Variants in EBF1 observed in about 807,000 individuals in gnomAD.
EBF1 encodes transcription factor COE1.
EBF1 carries 10 observed loss-of-function variants against 68.4 expected under a neutral mutation model. The observed-to-expected ratio is 0.15, with a 90% CI of 0.09 to 0.25. The LOEUF (loss-of-function observed/expected upper bound fraction) is 0.25, where lower values mean the gene tolerates loss of function less well. Among genes scored for constraint, EBF1 ranks in the 10% least tolerant of loss-of-function variants. The pLI is 1.00. For missense variants in EBF1, 509 were observed against 794.4 expected, an observed-to-expected ratio of 0.64 and a Z score of 4.32; for synonymous variants, 298 against 299.8, an observed-to-expected ratio of 0.99 and a Z score of 0.06.
chr5:158,816,834 TC>T (rs1783856119), intron 8 of EBF1, among the ~76,000 whole-genome samples: 1 of 152,168 alleles, frequency 6.6e-6, no homozygotes, highest in South Asian at 2.1e-4. Flanking sequence ...TGTTTGACTT[TC>T]TATGAAGAAC....
chr5:159,067,290 C>T (rs1328274484), intron 6 of EBF1, among the ~76,000 whole-genome samples: 1 of 152,136 alleles, frequency 6.6e-6, no homozygotes, highest in South Asian at 2.1e-4. Flanking sequence ...CTGTATTTTT[C>T]CAGAACTGTT....
chr5:158,810,246 C>A (rs1298433836), intron 8 of EBF1, among the ~76,000 whole-genome samples: 3 of 152,096 alleles, frequency 2.0e-5, no homozygotes, highest in African/African-American at 7.2e-5. Flanking sequence ...CCCACCAGCC[C>A]ACGGATAATA....
intron 11 of EBF1, among the ~76,000 whole-genome samples, chr5:158,724,487 C>T (rs561303513): frequency 1.2e-4 from 19 of 152,270 alleles, no homozygotes; most frequent in African/African-American, 4.6e-4. Context: ...TTCACTGATG[C>T]AACTGCAGGT....
At chr5:158,912,838 G>A (rs1806305534) in intron 6 of EBF1, among the ~76,000 whole-genome samples, 1 of 152,084 alleles carries the variant, frequency 6.6e-6, no homozygotes, top group Non-Finnish European at 1.5e-5. Flanking sequence ...GAAAAAAAAA[G>A]ATGTAGCACA....
chr5:159,034,957 T>A (rs1769730024), intron 6 of EBF1, among the ~76,000 whole-genome samples: 1 of 152,198 alleles, frequency 6.6e-6, no homozygotes, highest in Non-Finnish European at 1.5e-5. Context: ...AAATCTGGCT[T>A]CACATGGTGC....
At chr5:158,928,500 A>C (rs1810164297) in intron 6 of EBF1, among the ~76,000 whole-genome samples, 1 of 152,192 alleles carries the variant, frequency 6.6e-6, no homozygotes, top group Non-Finnish European at 1.5e-5. Flanking sequence ...AATTACATCA[A>C]AATCACATTA....
At chr5:159,038,711 C>T (rs1268872077) in intron 6 of EBF1, among the ~76,000 whole-genome samples, 1 of 152,140 alleles carries the variant, frequency 6.6e-6, no homozygotes, top group African/African-American at 2.4e-5. Context: ...GCTGCCTGAC[C>T]TATTAGCAAG....
At chr5:158,986,948 A>AACT (rs1759212829) in intron 6 of EBF1, 1 of 152,230 alleles carries the variant, frequency 6.6e-6, no homozygotes, top group Non-Finnish European at 1.5e-5. Context: ...GAGACTGAAT[A>AACT]ACTCAACTTC....
chr5:158,805,998 GA>G (rs1450499507), intron 8 of EBF1, among the ~76,000 whole-genome samples: 1 of 152,092 alleles, frequency 6.6e-6, no homozygotes, highest in Non-Finnish European at 1.5e-5. Flanking sequence ...TGTGGGAGCA[GA>G]AGCTATAATT....
At chr5:159,005,425 T>A (rs1259861297) in intron 6 of EBF1, among the ~76,000 whole-genome samples, 1 of 152,214 alleles carries the variant, frequency 6.6e-6, no homozygotes, top group Non-Finnish European at 1.5e-5. Flanking sequence ...GTACATAGAA[T>A]GAATTTATTC....
rs76647464 is a variant in EBF1, at chr5:158,903,048, C to T, written c.555-62938G>A. On this transcript the variant is annotated intron_variant, in intron 6 of 15. Transcript: ENST00000313708. The stretch of plus-strand genomic sequence containing the variant: ...TAAAATAACTAAGACCTTCAGTTCA[C>T]GAAACTTTGGAGGACAAATTAGCAC... Among the ~76,000 whole-genome samples, 682 of 152,246 alleles carry T rather than the reference C, an allele frequency of 4.5e-3. 4 individuals are homozygous for T. The highest frequency in any genetic ancestry group is 0.016 in the African/African-American group (655 of 41,542).
At chr5:159,083,817 G>A (rs1487448149) in intron 5 of EBF1, among the ~76,000 whole-genome samples, 1 of 152,190 alleles carries the variant, frequency 6.6e-6, no homozygotes, top group Non-Finnish European at 1.5e-5. Context: ...GATGCACAGT[G>A]GCATCTTCAT....
intron 7 of EBF1, among the ~76,000 whole-genome samples, chr5:158,825,642 T>C (rs968252605): frequency 2.0e-5 from 3 of 152,004 alleles, no homozygotes; most frequent in African/African-American, 4.8e-5. Flanking sequence ...AAAAAAAAAC[T>C]ACACCCCATA....
At chr5:158,707,365 C>A (rs141542761) in intron 15 of EBF1, among the ~76,000 whole-genome samples, 1 of 152,164 alleles carries the variant, frequency 6.6e-6, no homozygotes, top group Non-Finnish European at 1.5e-5. Flanking sequence ...GGTGGGAAAG[C>A]GATTGAACAA....
At chr5:158,973,452 C>T (rs1386981838) in intron 6 of EBF1, among the ~76,000 whole-genome samples, 1 of 151,968 alleles carries the variant, frequency 6.6e-6, no homozygotes, top group Non-Finnish European at 1.5e-5. Flanking sequence ...ACCTTCCTAA[C>T]CAGCTCAAAC....
intron 10 of EBF1, among the ~76,000 whole-genome samples, chr5:158,745,413 C>T (rs1767338192): frequency 6.6e-6 from 1 of 152,172 alleles, no homozygotes; most frequent in Non-Finnish European, 1.5e-5. Flanking sequence ...AGTGGGTTTG[C>T]TGTAAATTTG....
intron 6 of EBF1, among the ~76,000 whole-genome samples, chr5:158,898,517 T>G (rs1018369989): frequency 6.6e-6 from 1 of 152,246 alleles, no homozygotes. Flanking sequence ...AATGCAACTT[T>G]TATTTTTCCA....
intron 6 of EBF1, among the ~76,000 whole-genome samples, chr5:158,840,663 T>G (rs1050437702): frequency 1.5e-3 from 124 of 83,280 alleles, no homozygotes; most frequent in East Asian, 3.4e-3. Context: ...TTTTTTTTTT[T>G]TTTTTTTTTG....
chr5:159,096,252 G>C, intron 3 of EBF1, 91 bp downstream of exon 3: 1 of 1,352,588 alleles, frequency 7.4e-7, no homozygotes, highest in Non-Finnish European at 1.0e-6. Context: ...ACTGACCTTC[G>C]CTGGAGGATT....
Sources: allele counts gnomAD v4.1 joint callset (sites outside exome capture counted in the v4.1 genomes callset), GRCh38; gene constraint gnomAD v4.1.1; transcripts MANE v1.5; gene names NCBI Gene and HGNC (gene_info 2026-07-23, HGNC 2026-07-21).